Variants in TAFA5 observed in about 807,000 individuals in gnomAD.
TAFA5 encodes TAFA chemokine like family member 5.
TAFA5 carries 6 observed loss-of-function variants against 15.3 expected under a neutral mutation model. The ratio of observed to expected loss-of-function variants is 0.39; its 90% CI spans 0.21 to 0.77. TAFA5 has a LOEUF of 0.77. Among genes scored for constraint, TAFA5 ranks in the 30% least tolerant of loss-of-function variants. The pLI, the probability that TAFA5 is intolerant of heterozygous loss-of-function variation, is 0.41. For missense variants in TAFA5, 161 were observed against 193.1 expected, an observed-to-expected ratio of 0.83 and a Z score of 0.98; for synonymous variants, 103 against 80.7, an observed-to-expected ratio of 1.28 and a Z score of -1.48.
intron 2 of TAFA5, among the ~76,000 whole-genome samples, chr22:48,662,439 G>C (rs1927474710): frequency 6.6e-6 from 1 of 152,120 alleles, no homozygotes; most frequent in African/African-American, 2.4e-5. Context: ...GGTCAGGCTG[G>C]GCAGAAAGTG....
chr22:48,694,132 G>A (rs935984965), intron 2 of TAFA5, among the ~76,000 whole-genome samples: 1 of 152,182 alleles, frequency 6.6e-6, no homozygotes, highest in Admixed American at 6.5e-5. Context: ...AGCTCTCTGA[G>A]CTTCTGTGTC....
chr22:48,546,431 C>T (rs967552276), intron 1 of TAFA5: 5 of 466,654 alleles, frequency 1.1e-5, no homozygotes, highest in African/African-American at 8.0e-5. Context: ...GACCATCGGA[C>T]ACTGCCCTAT....
At chr22:48,558,599 T>G (rs1025405418) in intron 1 of TAFA5, among the ~76,000 whole-genome samples, 1 of 152,184 alleles carries the variant, frequency 6.6e-6, no homozygotes, top group South Asian at 2.1e-4. Context: ...TGGAGAGGTC[T>G]CTTCATTGCT....
intron 1 of TAFA5, among the ~76,000 whole-genome samples, chr22:48,562,231 G>A (rs935931932): frequency 5.9e-5 from 9 of 152,016 alleles, no homozygotes; most frequent in African/African-American, 1.4e-4. Context: ...TCTGCCTCCC[G>A]GGTTCACGCC....
chr22:48,747,584 A>T, intron 3 of TAFA5, among the ~76,000 whole-genome samples: 1 of 152,024 alleles, frequency 6.6e-6, no homozygotes, highest in African/African-American at 2.4e-5. Flanking sequence ...TGGAACCTTT[A>T]GTATGGGCTC....
intron 3 of TAFA5, among the ~76,000 whole-genome samples, chr22:48,710,061 G>A (rs1173341201): frequency 6.6e-6 from 1 of 152,182 alleles, no homozygotes; most frequent in East Asian, 1.9e-4. Context: ...TTGCTTCAGG[G>A]CATTTGCATC....
chr22:48,507,945 C>T (rs1921060957), intron 1 of TAFA5, among the ~76,000 whole-genome samples: 1 of 152,146 alleles, frequency 6.6e-6, no homozygotes. Flanking sequence ...TGCTGGGCCT[C>T]AGTGTCCTCA....
chr22:48,536,356 C>G (rs62223632), intron 1 of TAFA5, among the ~76,000 whole-genome samples: 2,596 of 152,332 alleles, frequency 0.017, 49 homozygotes, highest in Non-Finnish European at 0.023. Context: ...TGTCCTTTGT[C>G]CGCCAACAAG....
chr22:48,631,291 G>A (rs1174988457), intron 1 of TAFA5, among the ~76,000 whole-genome samples: 1 of 152,204 alleles, frequency 6.6e-6, no homozygotes, highest in African/African-American at 2.4e-5. Flanking sequence ...CCACCCAGGT[G>A]AGCGGTCCCT....
intron 3 of TAFA5, among the ~76,000 whole-genome samples, chr22:48,710,658 C>T (rs79798): frequency 0.35 from 52,652 of 152,150 alleles, 9,638 homozygotes; most frequent in Non-Finnish European, 0.4. Flanking sequence ...GGGCCCACCA[C>T]GGGAGGCAGT....
At chr22:48,657,816 T>G (rs543147168) in intron 2 of TAFA5, among the ~76,000 whole-genome samples, 2 of 152,234 alleles carry the variant, frequency 1.3e-5, no homozygotes, top group South Asian at 4.1e-4. Flanking sequence ...GACCCGATGA[T>G]GAACAAAGCC....
rs929547154 is a variant in TAFA5 at position 48,490,548 on chromosome 22, G to A, written c.112+844G>A. On this transcript the variant is annotated intron_variant, in intron 1 of 3. Coordinates refer to ENST00000402357, the MANE Select transcript of TAFA5 (RefSeq NM_001082967.3). The surrounding 1 kb of genome is among the most constrained non-coding windows in gnomAD (Gnocchi z 5.8). ...GGGTGCAGACTCCAGCCTCGGCGCT[G>A]GGGAGGGTGCTCAGCATCCCGGGGC... 6.6e-6 allele frequency among the ~76,000 whole-genome samples: 1 copy of A among 151,914 alleles called. No individual in the cohort carries two copies. The highest frequency in any genetic ancestry group is 1.5e-5 in the Non-Finnish European group (1 of 67,940).
At chr22:48,622,311 G>T (rs1569051977) in intron 1 of TAFA5, among the ~76,000 whole-genome samples, 1 of 152,156 alleles carries the variant, frequency 6.6e-6, no homozygotes, top group Non-Finnish European at 1.5e-5. Flanking sequence ...TCACATGGGG[G>T]GCAGGCCCTG....
At chr22:48,582,113 C>T (rs75552881) in intron 1 of TAFA5, among the ~76,000 whole-genome samples, 3,349 of 152,122 alleles carry the variant, frequency 0.022, 129 homozygotes, top group African/African-American at 0.077. Context: ...GCCCTTTCCT[C>T]GTTCTCCTTT....
intron 2 of TAFA5, among the ~76,000 whole-genome samples, chr22:48,671,046 T>C (rs1927787499): frequency 1.3e-5 from 2 of 152,240 alleles, no homozygotes; most frequent in Admixed American, 6.5e-5. Context: ...GGATCTTTTG[T>C]ATCCCAGGGA....
At chr22:48,709,825 G>C (rs1390375255) in intron 3 of TAFA5, among the ~76,000 whole-genome samples, 2 of 152,244 alleles carry the variant, frequency 1.3e-5, no homozygotes, top group Non-Finnish European at 2.9e-5. Context: ...AGGCAGCCCT[G>C]CTGAGCCAGT....
intron 3 of TAFA5, among the ~76,000 whole-genome samples, chr22:48,736,640 G>C (rs1332415978): frequency 6.6e-6 from 1 of 152,202 alleles, no homozygotes; most frequent in East Asian, 1.9e-4. Flanking sequence ...GCCATGACTG[G>C]AATATTATTC....
At chr22:48,586,994 C>T (rs73425955) in intron 1 of TAFA5, among the ~76,000 whole-genome samples, 3,083 of 152,314 alleles carry the variant, frequency 0.02, 112 homozygotes, top group African/African-American at 0.071. Context: ...TGGTGAGAAC[C>T]GGGCCTCCAC....
chr22:48,569,738 G>A (rs980726641), intron 1 of TAFA5, among the ~76,000 whole-genome samples: 2 of 152,226 alleles, frequency 1.3e-5, no homozygotes, highest in Admixed American at 1.3e-4. Context: ...ATCCCGGGGG[G>A]TGGCCTCCCG....
Sources: gnomAD v4.1 joint callset for allele counts (sites outside exome capture counted in the v4.1 genomes callset) on GRCh38, gnomAD v4.1.1 for gene constraint, Gnocchi (gnomAD v3.1) non-coding constraint, MANE v1.5 for transcripts, NCBI Gene and HGNC (gene_info 2026-07-23, HGNC 2026-07-21) for gene names.